Variants in ARHGAP24 observed in about 807,000 individuals in gnomAD.
ARHGAP24 encodes rho GTPase-activating protein 24.
Under a neutral mutation model 76.4 loss-of-function variants are expected in ARHGAP24, and 50 were observed. The ratio of observed to expected loss-of-function variants is 0.65; its 90% CI spans 0.52 to 0.83. The LOEUF is 0.83. Among genes scored for constraint, ARHGAP24 ranks in the 40% least tolerant of loss-of-function variants. ARHGAP24 has a pLI of 0.00. For missense variants in ARHGAP24, 930 were observed against 914.2 expected (o/e 1.02, Z -0.22); for synonymous variants, 345 against 323.3 (o/e 1.07, Z -0.72).
chr4:85,816,082 G>C (rs1729225003), intron 3 of ARHGAP24, among the ~76,000 whole-genome samples: 1 of 152,086 alleles, frequency 6.6e-6, no homozygotes, highest in Non-Finnish European at 1.5e-5. Context: ...TCTCCACCAG[G>C]TCCCTCCCAC....
At chr4:85,485,363 AAAAAAAAAAAAAAATATATATAT>A (rs1376938621) in intron 1 of ARHGAP24, among the ~76,000 whole-genome samples, 4 of 60,904 alleles carry the variant, frequency 6.6e-5, no homozygotes, top group African/African-American at 3.0e-4. Context: ...AAAAAAAAAA[AAAAAAAAAAAAAAATATATATAT>A]ATATATATAT....
At chr4:85,623,348 T>G (rs939058976) in intron 2 of ARHGAP24, among the ~76,000 whole-genome samples, 1 of 152,228 alleles carries the variant, frequency 6.6e-6, no homozygotes, top group Non-Finnish European at 1.5e-5. Flanking sequence ...ATTTATTAAG[T>G]AGGGAATCCT....
chr4:85,744,252 AT>A (rs1295143430), intron 3 of ARHGAP24, among the ~76,000 whole-genome samples: 1 of 152,220 alleles, frequency 6.6e-6, no homozygotes, highest in Admixed American at 6.5e-5. Context: ...TAATACCACA[AT>A]TCAAACATAT....
At chr4:85,790,042 G>GT (rs1701745115) in intron 3 of ARHGAP24, among the ~76,000 whole-genome samples, 2 of 152,046 alleles carry the variant, frequency 1.3e-5, no homozygotes, top group African/African-American at 4.8e-5. Context: ...GAAATCACTT[G>GT]AAGAACTTAA....
intron 4 of ARHGAP24, chr4:85,930,330 G>C (rs1246735467): frequency 1.0e-6 from 1 of 987,020 alleles, no homozygotes; most frequent in Non-Finnish European, 1.2e-6. Context: ...CAAAGGATGG[G>C]GGGTGCTATA....
chr4:85,552,978 A>T (rs941909867), intron 1 of ARHGAP24, among the ~76,000 whole-genome samples: 1 of 152,058 alleles, frequency 6.6e-6, no homozygotes, highest in Non-Finnish European at 1.5e-5. Context: ...AGACCCTTGC[A>T]GCGAGTGTTA....
rs533541452 is a variant in ARHGAP24, at chr4:85,650,655, A to G, written c.181-71230A>G. ...AATAATTATTATTAATACTATGTAG[A>G]ATGCAATTTGTGAATATAACAATGA... On this transcript the variant is annotated intron_variant, in intron 2 of 9. Transcript: ENST00000395184. 8.7e-5 allele frequency among the ~76,000 whole-genome samples: 13 copies of G among 149,536 alleles called. 2 individuals are homozygous for G. The highest frequency in any genetic ancestry group is 8.3e-4 in the South Asian group (4 of 4,832).
At chr4:85,875,483 T>TATATTATATTATATATAATATATATTATA (rs1560689043) in intron 3 of ARHGAP24, among the ~76,000 whole-genome samples, 1,763 of 75,260 alleles carry the variant, frequency 0.023, 161 homozygotes, top group African/African-American at 0.087. Context: ...ATTTATCTTA[T>TATATTATATTATATATAATATATATTATA]ATATTATATT....
At chr4:85,768,012 G>A (rs1726992529) in intron 3 of ARHGAP24, among the ~76,000 whole-genome samples, 1 of 152,134 alleles carries the variant, frequency 6.6e-6, no homozygotes, top group Non-Finnish European at 1.5e-5. Flanking sequence ...TTACCAAGGT[G>A]GGAAAGGTGT....
At chr4:85,507,010 T>C (rs1429662027) in intron 1 of ARHGAP24, among the ~76,000 whole-genome samples, 1 of 152,152 alleles carries the variant, frequency 6.6e-6, no homozygotes, top group Non-Finnish European at 1.5e-5. Flanking sequence ...TAGATTCCAA[T>C]TGTTCAGGAA....
intron 3 of ARHGAP24, among the ~76,000 whole-genome samples, chr4:85,733,520 G>A (rs1725496317): frequency 6.6e-6 from 1 of 152,150 alleles, no homozygotes; most frequent in Admixed American, 6.5e-5. Flanking sequence ...CACAAGAAAG[G>A]GGAGTGAGTA....
chr4:85,728,815 A>G (rs1018151764), intron 3 of ARHGAP24, among the ~76,000 whole-genome samples: 1 of 152,216 alleles, frequency 6.6e-6, no homozygotes, highest in Non-Finnish European at 1.5e-5. Context: ...CAGCAATAAA[A>G]GTTTACCATA....
At chr4:85,651,664 A>G (rs6817542) in intron 2 of ARHGAP24, among the ~76,000 whole-genome samples, 52,977 of 142,446 alleles carry the variant, frequency 0.37, 11,906 homozygotes, top group East Asian at 0.84. Flanking sequence ...ATAGTAACAC[A>G]TTGAGTTTTT....
chr4:85,596,441 GTGT>G (rs1343843728), intron 2 of ARHGAP24, among the ~76,000 whole-genome samples: 3 of 152,064 alleles, frequency 2.0e-5, no homozygotes, highest in Non-Finnish European at 4.4e-5. Context: ...GCCATAAAAA[GTGT>G]TGTTGTTCCA....
At chr4:85,941,719 A>G (rs1018451259) in intron 4 of ARHGAP24, among the ~76,000 whole-genome samples, 6 of 152,206 alleles carry the variant, frequency 3.9e-5, no homozygotes, top group African/African-American at 1.4e-4. Flanking sequence ...CTTTTAAGCT[A>G]TTGAATACCA....
chr4:85,628,425 A>G (rs1355245979), intron 2 of ARHGAP24, among the ~76,000 whole-genome samples: 1 of 152,174 alleles, frequency 6.6e-6, no homozygotes, highest in Admixed American at 6.5e-5. Flanking sequence ...ATAATGTTCC[A>G]TGCATGCTTG....
At chr4:85,503,450 T>C (rs1452633430) in intron 1 of ARHGAP24, among the ~76,000 whole-genome samples, 1 of 152,082 alleles carries the variant, frequency 6.6e-6, no homozygotes. Flanking sequence ...CTTGGGAGGG[T>C]GTATGTGTTC....
At chr4:85,998,018 A>G (rs1229856873) in intron 9 of ARHGAP24, among the ~76,000 whole-genome samples, 1 of 152,204 alleles carries the variant, frequency 6.6e-6, no homozygotes, top group African/African-American at 2.4e-5. Context: ...TCTGGATGAT[A>G]TTAATTATTT....
intron 2 of ARHGAP24, among the ~76,000 whole-genome samples, chr4:85,589,972 A>G (rs7695033): frequency 6.6e-6 from 1 of 152,284 alleles, no homozygotes; most frequent in Admixed American, 6.5e-5. Context: ...CTAATTACTA[A>G]TATGTGCATT....
Sources: gnomAD v4.1 joint callset for allele counts (sites outside exome capture counted in the v4.1 genomes callset) on GRCh38, gnomAD v4.1.1 for gene constraint, MANE v1.5 for transcripts, NCBI Gene and HGNC (gene_info 2026-07-23, HGNC 2026-07-21) for gene names.